CPNE8: variants seen among roughly 807,000 people sequenced by gnomAD.
The protein encoded by CPNE8 is copine-8.
In CPNE8, 45 loss-of-function variants were observed where a neutral mutation model predicts 81.5. The ratio of observed to expected loss-of-function variants is 0.55; its 90% CI spans 0.44 to 0.71. The LOEUF is 0.71. CPNE8 is among the 30% of genes least tolerant of loss of function. CPNE8 has a pLI of 0.00. For missense variants in CPNE8, 594 were observed against 672.1 expected, an observed-to-expected ratio of 0.88 and a Z score of 1.28; for synonymous variants, 252 against 226.3, an observed-to-expected ratio of 1.11 and a Z score of -1.02.
chr12:38,678,638 C>G (rs557773218), intron 16 of CPNE8, among the ~76,000 whole-genome samples: 2 of 151,832 alleles, frequency 1.3e-5, no homozygotes, highest in Middle Eastern at 3.2e-3. Context: ...TGTCAGGGCA[C>G]AACTTATTTC....
chr12:38,684,334 G>A (rs928476941), intron 16 of CPNE8, among the ~76,000 whole-genome samples: 15 of 152,046 alleles, frequency 9.9e-5, no homozygotes, highest in Non-Finnish European at 8.8e-5. Context: ...AAGAACAGGT[G>A]CCATAGAAAT....
intron 14 of CPNE8, among the ~76,000 whole-genome samples, chr12:38,695,488 G>A (rs1049776557): frequency 6.6e-6 from 1 of 152,128 alleles, no homozygotes; most frequent in Non-Finnish European, 1.5e-5. Context: ...GTCCTCTGTT[G>A]TAACAGTCTT....
intron 6 of CPNE8, among the ~76,000 whole-genome samples, chr12:38,784,651 A>C (rs758700740): frequency 4.6e-5 from 7 of 152,136 alleles, no homozygotes; most frequent in Non-Finnish European, 1.0e-4. Flanking sequence ...ACACCACACA[A>C]AGTGGCTCCA....
intron 3 of CPNE8, among the ~76,000 whole-genome samples, chr12:38,853,693 T>C (rs1376216896): frequency 1.3e-5 from 2 of 152,170 alleles, no homozygotes. Flanking sequence ...CTTTGTTTTA[T>C]GCTTGAGCTA....
intron 6 of CPNE8, among the ~76,000 whole-genome samples, chr12:38,822,998 G>C (rs1030335088): frequency 1.4e-5 from 2 of 140,276 alleles, no homozygotes; most frequent in African/African-American, 4.9e-5. Flanking sequence ...AACATGCCCT[G>C]TTTTATGGTG....
rs144127857 is a variant in CPNE8 at position 38,660,682 on chromosome 12, A to G, written c.1507-6612T>C. Among the ~76,000 whole-genome samples, 158 of 152,336 alleles carry G rather than the reference A, an allele frequency of 1.0e-3. 1 individual carries two copies. Among genetic ancestry groups the G allele is most frequent in the African/African-American group, 3.5e-3 (146 of 41,586 alleles). Reference sequence around the variant, plus strand: ...TACCATCAGAGTGAACAGGCAGCCTACAGAATGGGAGAAAATTTTTGCAAT... The same window carrying G: ...TACCATCAGAGTGAACAGGCAGCCTGCAGAATGGGAGAAAATTTTTGCAAT... On this transcript the variant is annotated intron_variant, in intron 19 of 19. Transcript: ENST00000331366.
chr12:38,895,453 T>C lies in CPNE8; in HGVS notation c.98+9984A>G. ...CAGACTATCACCTCTCTCCAGTATT[T>C]AGTTTTCATCTCACCCTGCCTGCTG... On this transcript the variant is annotated intron_variant, in intron 1 of 19. Transcript: ENST00000331366. 1.3e-5 allele frequency among the ~76,000 whole-genome samples: 2 copies of C among 152,138 alleles called. 1 individual carries two copies. Among genetic ancestry groups the C allele is most frequent in the South Asian group, 4.1e-4 (2 of 4,834 alleles).
At chr12:38,792,468 G>C (rs890798412) in intron 6 of CPNE8, among the ~76,000 whole-genome samples, 1 of 150,878 alleles carries the variant, frequency 6.6e-6, no homozygotes, top group African/African-American at 2.4e-5. Context: ...CCAAGAAATT[G>C]AAAAATTTAG....
At chr12:38,761,791 T>C (rs1396125637) in intron 9 of CPNE8, among the ~76,000 whole-genome samples, 1 of 152,228 alleles carries the variant, frequency 6.6e-6, no homozygotes, top group African/African-American at 2.4e-5. Flanking sequence ...CCATGAGTTA[T>C]GCCAAATAAC....
In CPNE8 at chr12:38,800,562, C is replaced by G. The variant is rs990820850; in HGVS notation, c.408-24261G>C. On this transcript the variant is annotated intron_variant, in intron 6 of 19. Transcript: ENST00000331366. Reference sequence around the variant, plus strand: ...TAAAACCACAAAGATGGGGAAAAAACAGAACAGAAAAACTGGAAACTCTAA... The same window carrying G: ...TAAAACCACAAAGATGGGGAAAAAAGAGAACAGAAAAACTGGAAACTCTAA... Among the ~76,000 whole-genome samples, 52 of 17,190 alleles carry G rather than the reference C, an allele frequency of 3.0e-3. 6 individuals are homozygous for G. Among genetic ancestry groups the G allele is most frequent in the African/African-American group, 4.6e-3 (51 of 10,980 alleles). The allele number at this position is 17,190 out of a possible 152,430, so 11.3% of individuals were successfully genotyped here.
intron 19 of CPNE8, among the ~76,000 whole-genome samples, chr12:38,668,385 C>T (rs558384719): frequency 7.6e-4 from 115 of 152,222 alleles, no homozygotes; most frequent in Non-Finnish European, 1.3e-3. Context: ...TGATTAGTTT[C>T]GTGATCAAGG....
chr12:38,724,528 T>C (rs900906335), intron 12 of CPNE8, among the ~76,000 whole-genome samples: 10 of 152,122 alleles, frequency 6.6e-5, no homozygotes, highest in African/African-American at 2.4e-4. Context: ...ACCACTTGTG[T>C]TTTTTACATC....
At chr12:38,803,284 C>A (rs1247993913) in intron 6 of CPNE8, among the ~76,000 whole-genome samples, 34 of 53,460 alleles carry the variant, frequency 6.4e-4, no homozygotes, top group African/African-American at 1.4e-3. Flanking sequence ...CCGAATCCAG[C>A]AGCACATCAA....
At chr12:38,735,761 T>C (rs1407745934) in intron 10 of CPNE8, among the ~76,000 whole-genome samples, 1 of 152,040 alleles carries the variant, frequency 6.6e-6, no homozygotes, top group African/African-American at 2.4e-5. Context: ...AATCTCTGTC[T>C]AAATCTGCAG....
At chr12:38,819,245 T>A (rs936526172) in intron 6 of CPNE8, among the ~76,000 whole-genome samples, 3 of 152,312 alleles carry the variant, frequency 2.0e-5, no homozygotes, top group Admixed American at 6.5e-5. Flanking sequence ...TAGGTTTTAT[T>A]CTAGGGTTTT....
chr12:38,806,690 C>A (rs549330349), intron 6 of CPNE8, among the ~76,000 whole-genome samples: 117 of 139,230 alleles, frequency 8.4e-4, no homozygotes, highest in African/African-American at 2.8e-3. Context: ...TGAAAACTGG[C>A]ACAAGACAGG....
chr12:38,862,505 T>TA (rs1223262063), intron 3 of CPNE8, among the ~76,000 whole-genome samples: 2 of 152,162 alleles, frequency 1.3e-5, no homozygotes, highest in Non-Finnish European at 2.9e-5. Flanking sequence ...CTTCAAATTT[T>TA]AAAAAATAAC....
intron 6 of CPNE8, among the ~76,000 whole-genome samples, chr12:38,788,095 G>T (rs1431354832): frequency 6.6e-6 from 1 of 151,036 alleles, no homozygotes; most frequent in African/African-American, 2.4e-5. Flanking sequence ...GTAGGGAATA[G>T]GTCCAAACTC....
Position 38,884,223 on chromosome 12 carries a change from C to G in CPNE8, c.99-9712G>C, listed in dbSNP as rs1192946011. ...TCCACTTCCCCGAGCCCCTGGTAACCACTAATCTTTCTGTCTCCATGTATT... is the reference window on the plus strand; with the variant it reads ...TCCACTTCCCCGAGCCCCTGGTAACGACTAATCTTTCTGTCTCCATGTATT... On this transcript the variant is annotated intron_variant, in intron 1 of 19. Transcript: ENST00000331366. Among the ~76,000 whole-genome samples the G allele has an allele frequency of 7.2e-5, 11 of 152,224 alleles. 1 individual carries two copies. The highest frequency in any genetic ancestry group is 5.9e-4 in the Admixed American group (9 of 15,290).
Sources: allele counts gnomAD v4.1 joint callset (sites outside exome capture counted in the v4.1 genomes callset), GRCh38; gene constraint gnomAD v4.1.1; transcripts MANE v1.5; gene names NCBI Gene and HGNC (gene_info 2026-07-23, HGNC 2026-07-21).